The following ACSS2 variants were observed in gnomAD, a reference collection of about 807,000 sequenced individuals.
ACSS2 encodes acetyl-coenzyme A synthetase, cytoplasmic.
In ACSS2, 58 loss-of-function variants were observed where a neutral mutation model predicts 90.6. The ratio of observed to expected loss-of-function variants is 0.64; its 90% CI spans 0.52 to 0.80. The LOEUF is 0.80. ACSS2 is among the 30% of genes least tolerant of loss of function. The probability of loss-of-function intolerance (pLI) is 0.00; values close to 1 mark genes in which losing one functional copy is unlikely to be tolerated. For synonymous variants in ACSS2, 300 were observed against 330.9 expected, an observed-to-expected ratio of 0.91 and a Z score of 1.01; for missense variants, 759 against 912.0, an observed-to-expected ratio of 0.83 and a Z score of 2.16.
At position 34,889,502 on chromosome 20, in the gene ACSS2, G is replaced by A. The variant is rs150442925; in HGVS notation, c.374+6513G>A. On this transcript the variant is annotated intron_variant, in intron 2 of 17. Coordinates refer to ENST00000360596, the MANE Select transcript of ACSS2 (RefSeq NM_018677.4). ...AAACTCCTGACCTTGTGACCCGCCC[G>A]CCTCGGCCTCCCAAAGTGCTGGGAT... is the stretch of plus-strand genomic sequence containing the variant. 5.4e-4 allele frequency among the ~76,000 whole-genome samples: 20 copies of A among 36,920 alleles called. No individual in the cohort carries two copies. In the South Asian group the frequency reaches 0.012, roughly 22 times the overall value. The allele number at this position is 36,920 out of a possible 152,430, so 24.2% of individuals were successfully genotyped here. A position where few individuals can be genotyped will look rare whatever the true frequency, so the allele number is the denominator to read the frequency against.
intron 2 of ACSS2, among the ~76,000 whole-genome samples, chr20:34,888,947 G>T (rs1317118147): frequency 6.6e-6 from 1 of 151,798 alleles, no homozygotes; most frequent in Admixed American, 6.6e-5. Flanking sequence ...GTCACATCTT[G>T]AAAGCCAATG....
chr20:34,906,041 G>A (rs2080792231), intron 2 of ACSS2, among the ~76,000 whole-genome samples: 1 of 152,178 alleles, frequency 6.6e-6, no homozygotes, highest in African/African-American at 2.4e-5. Context: ...TCTTTTAAGA[G>A]TTCTGATATC....
chr20:34,911,724 T>A (rs187592592), intron 2 of ACSS2, among the ~76,000 whole-genome samples: 98 of 152,352 alleles, frequency 6.4e-4, no homozygotes, highest in African/African-American at 2.1e-3. Flanking sequence ...TTATCCTGGT[T>A]ATATTTGTTA....
At chr20:34,901,723 A>G (rs1379663309) in intron 2 of ACSS2, among the ~76,000 whole-genome samples, 2 of 152,202 alleles carry the variant, frequency 1.3e-5, no homozygotes, top group Non-Finnish European at 2.9e-5. Flanking sequence ...ATAACCATGA[A>G]TTATATGGGG....
chr20:34,876,603 G>T (rs751381526), upstream of ACSS2: 173 of 1,294,130 alleles, frequency 1.3e-4, 1 homozygote, highest in Non-Finnish European at 1.6e-4. Flanking sequence ...CCCGGCACCC[G>T]CCGCGACCGC....
rs1314536810 is a variant in ACSS2 at position 34,926,120 on chromosome 20, C to T, written c.1742C>T (p.Thr581Ile). The T allele has an allele frequency of 5.0e-6, 8 of 1,614,090 alleles. No homozygotes were observed. In the African/African-American group the frequency reaches 9.3e-5, roughly 19 times the overall value. ...MLNVSGHLLS[T>I]AEVESALVEH... Reference sequence around the variant, plus strand: ...CCTTGACAAGGACACCTGCTGAGTACAGCAGAGGTGGAGTCAGCACTTGTG... The same window carrying T: ...CCTTGACAAGGACACCTGCTGAGTATAGCAGAGGTGGAGTCAGCACTTGTG... The change falls in exon 16 of 18, where the codon ACA (threonine) becomes ATA (isoleucine). Residue 581 changes from threonine (T) to isoleucine (I), a missense_variant. Coordinates refer to ENST00000360596, the MANE Select transcript of ACSS2 (RefSeq NM_018677.4).
At chr20:34,905,502 C>T (rs1426767381) in intron 2 of ACSS2, among the ~76,000 whole-genome samples, 4 of 152,128 alleles carry the variant, frequency 2.6e-5, no homozygotes, top group Admixed American at 6.5e-5. Context: ...CCTCATGATC[C>T]GCCCGCCTCA....
Position 34,882,917 on chromosome 20 carries a change from C to G in ACSS2, c.302C>G (p.Thr101Ser). The G allele has an allele frequency of 6.2e-7, 1 of 1,613,988 alleles. No individual in the cohort carries two copies. Among genetic ancestry groups the G allele is most frequent in the Non-Finnish European group, 8.5e-7 (1 of 1,179,962 alleles). ...IFIEWMKGAT[T>S]NICYNVLDRN... ...ATTGAGTGGATGAAAGGAGCAACTA[C>G]CAACATCTGCTACAATGTACTGGAT... The change falls in exon 2 of 18, where the codon ACC (threonine) becomes AGC (serine). Residue 101 changes from threonine (T) to serine (S), a missense_variant. Thr to Ser is a moderately conservative substitution (Grantham distance 58). Transcript: ENST00000360596.
chr20:34,899,426 CCTTCCTTCCTTCCT>C (rs1423632459), intron 2 of ACSS2, among the ~76,000 whole-genome samples: 5 of 120,178 alleles, frequency 4.2e-5, no homozygotes, highest in South Asian at 2.7e-4. Flanking sequence ...TTCTTTCTTT[CCTTCCTTCCTTCCT>C]TCCTTCCTTC....
chr20:34,892,250 C>T (rs1043480806), intron 2 of ACSS2, among the ~76,000 whole-genome samples: 5 of 152,162 alleles, frequency 3.3e-5, no homozygotes, highest in African/African-American at 9.7e-5. Flanking sequence ...TGCCTTATGG[C>T]AGCCCCACAT....
intron 2 of ACSS2, among the ~76,000 whole-genome samples, chr20:34,906,874 C>T (rs369732070): frequency 9.4e-4 from 140 of 149,668 alleles, no homozygotes; most frequent in African/African-American, 3.3e-3. Context: ...TCCCAACTAC[C>T]TGGGAGGCTG....
intron 16 of ACSS2, 21 bp downstream of exon 16, chr20:34,926,302 G>A: frequency 2.5e-6 from 4 of 1,610,104 alleles, no homozygotes; most frequent in Non-Finnish European, 3.4e-6. Flanking sequence ...TCCCTGGGCA[G>A]GGACTATAGG....
At chr20:34,893,374 T>C (rs981327255) in intron 2 of ACSS2, among the ~76,000 whole-genome samples, 7 of 151,840 alleles carry the variant, frequency 4.6e-5, no homozygotes, top group Non-Finnish European at 1.0e-4. Context: ...GCGAATTTTA[T>C]TTTTATTTTT....
intron 2 of ACSS2, among the ~76,000 whole-genome samples, chr20:34,894,663 G>C (rs1009011504): frequency 6.6e-6 from 1 of 152,078 alleles, no homozygotes; most frequent in South Asian, 2.1e-4. Context: ...TCTCAAAAAA[G>C]AAGTTAGGGA....
chr20:34,927,052 T>C lies in ACSS2; in HGVS notation c.1979-35T>C. 1 of 1,614,058 alleles carries C rather than the reference T, an allele frequency of 6.2e-7. No homozygotes were observed. On this transcript the variant is annotated intron_variant, in intron 17 of 17. Transcript: ENST00000360596. The surrounding 1 kb of genome is among the most constrained non-coding windows in gnomAD (Gnocchi z 4.2). ...TGGCAGGGCTAGGGTGGGTCAGTGC[T>C]TTCACCAAGTAACTAGAGGTCTGTG...
rs137896085 is a variant in ACSS2 at position 34,912,271 on chromosome 20, G to T, written c.375-825G>T. Among the ~76,000 whole-genome samples the T allele has an allele frequency of 4.5e-4, 69 of 152,314 alleles. 1 individual carries two copies. The highest frequency in any genetic ancestry group is 1.5e-3 in the African/African-American group (63 of 41,570). On this transcript the variant is annotated intron_variant, in intron 2 of 17. Transcript: ENST00000360596. ...AGGTAGACAGAAATCACCTGATAAA[G>T]GATGGCGATTCTCAAACTTTATTTA...
At chr20:34,903,802 T>C (rs1339918590) in intron 2 of ACSS2, among the ~76,000 whole-genome samples, 1 of 148,038 alleles carries the variant, frequency 6.8e-6, no homozygotes, top group Non-Finnish European at 1.5e-5. Flanking sequence ...CTCTGGAGGC[T>C]GAGGTGGGAG....
In ACSS2 at chr20:34,923,417, A is replaced by G. The variant is rs530608402; in HGVS notation, c.1643A>G (p.Tyr548Cys). Residue 548 changes from tyrosine (Y) to cysteine (C), a missense_variant, in exon 14 of 18, where the codon TAT becomes TGT. Coordinates refer to ENST00000360596, the MANE Select transcript of ACSS2 (RefSeq NM_018677.4). ...TTYFKKFPGY[Y>C]VTGDGCQRDQ... is the part of the protein sequence containing the mutation. ...TACTTTAAGAAGTTTCCTGGATACT[A>G]TGTTACAGGAGATGGTGAGCCTTAG... 3.7e-6 allele frequency: 6 copies of G among 1,613,764 alleles called. No individual in the cohort carries two copies. The South Asian group carries it at 5.5e-5, about 15-fold the overall frequency.
Position 34,926,230 on chromosome 20 carries a change from T to C in ACSS2, c.1852T>C (p.Cys618Arg). The C allele has an allele frequency of 6.2e-7, 1 of 1,614,172 alleles. No homozygotes were observed. Among genetic ancestry groups the C allele is most frequent in the Non-Finnish European group, 8.5e-7 (1 of 1,180,024 alleles). The change falls in exon 16 of 18, where the codon TGT becomes CGT. Residue 618 changes from cysteine to arginine, a missense_variant. Cys to Arg is a radical substitution (Grantham distance 180, BLOSUM62 -3). Transcript: ENST00000360596. ...ATGCCTCTACTGCTTTGTCACCTTGTGTGATGGCCACACCTTCAGCCCCAA... is the reference window on the plus strand; with the variant it reads ...ATGCCTCTACTGCTTTGTCACCTTGCGTGATGGCCACACCTTCAGCCCCAA... Reference protein sequence around the residue: ...GECLYCFVTLCDGHTFSPKLT... With the variant: ...GECLYCFVTLRDGHTFSPKLT...
Sources: allele counts gnomAD v4.1 joint callset (sites outside exome capture counted in the v4.1 genomes callset), GRCh38; gene constraint gnomAD v4.1.1; non-coding constraint Gnocchi (gnomAD v3.1); transcripts MANE v1.5; gene names NCBI Gene and HGNC (gene_info 2026-07-23, HGNC 2026-07-21).